The following PCDHGB3 variants were observed in gnomAD, a reference collection of about 807,000 sequenced individuals.
PCDHGB3 encodes the protein protocadherin gamma-B3.
Under a neutral mutation model 59.2 loss-of-function variants are expected in PCDHGB3, and 40 were observed. The observed-to-expected ratio is 0.68, with a 90% CI of 0.52 to 0.88. The LOEUF is 0.88. Among genes scored for constraint, PCDHGB3 ranks in the 40% least tolerant of loss-of-function variants. PCDHGB3 has a pLI of 0.00. For synonymous variants in PCDHGB3, 581 were observed against 503.6 expected, an observed-to-expected ratio of 1.15 and a Z score of -2.06; for missense variants, 1,309 against 1,187.9, an observed-to-expected ratio of 1.10 and a Z score of -1.50.
intron 1 of PCDHGB3, chr5:141,395,285 T>A: frequency 6.5e-7 from 1 of 1,535,168 alleles, no homozygotes; most frequent in Non-Finnish European, 8.8e-7. Context: ...GAATTTTATT[T>A]GGCATAAATT....
chr5:141,400,561 A>G, intron 1 of PCDHGB3: 1 of 1,612,992 alleles, frequency 6.2e-7, no homozygotes, highest in Non-Finnish European at 8.5e-7. Flanking sequence ...TTCATTACCC[A>G]CCCAATTTTC....
At chr5:141,386,154 A>T (rs1211383292) in intron 1 of PCDHGB3, among the ~76,000 whole-genome samples, 2 of 152,222 alleles carry the variant, frequency 1.3e-5, no homozygotes, top group Non-Finnish European at 2.9e-5. Context: ...CAACTGTCTC[A>T]CGTACTCAAA....
intron 1 of PCDHGB3, chr5:141,388,621 T>C (rs2091422595): frequency 6.2e-7 from 1 of 1,613,806 alleles, no homozygotes; most frequent in African/African-American, 1.3e-5. Context: ...AGTCAAGACG[T>C]ATACAGGGTG....
chr5:141,415,387 G>A (rs1347191224), intron 1 of PCDHGB3: 2 of 1,614,168 alleles, frequency 1.2e-6, no homozygotes. Context: ...CGGCTTGACA[G>A]GTGTGTCCGG....
At chr5:141,497,468 G>A (rs912445126) in intron 2 of PCDHGB3, among the ~76,000 whole-genome samples, 10 of 151,996 alleles carry the variant, frequency 6.6e-5, no homozygotes, top group African/African-American at 2.4e-4. Flanking sequence ...GAGATATGGA[G>A]GAGAAGGTGC....
At chr5:141,446,231 C>T (rs1412899811) in intron 1 of PCDHGB3, among the ~76,000 whole-genome samples, 2 of 152,176 alleles carry the variant, frequency 1.3e-5, no homozygotes, top group African/African-American at 2.4e-5. Flanking sequence ...TGTTGCCTGG[C>T]AAGTGGTAGA....
Position 141,477,818 on chromosome 5 carries a change from C to T in PCDHGB3, c.2416-16989C>T, listed in dbSNP as rs202009040. 33 of 1,614,040 alleles carry T rather than the reference C, an allele frequency of 2.0e-5. No homozygotes were observed. The highest frequency in any genetic ancestry group is 1.3e-4 in the Admixed American group (8 of 60,006). On this transcript the variant is annotated intron_variant, in intron 1 of 3. Transcript: ENST00000576222. This position sits in a 1 kb window ranked among gnomAD's most constrained non-coding sequence, Gnocchi z 4.9. ...TCGCAATGACAATGCCCCCCAGGTCCTATATCCTCGGCCAGGTGGGAGCTC... is the reference window on the plus strand; with the variant it reads ...TCGCAATGACAATGCCCCCCAGGTCTTATATCCTCGGCCAGGTGGGAGCTC...
intron 1 of PCDHGB3, chr5:141,440,247 T>C (rs1158469276): frequency 1.3e-5 from 2 of 152,296 alleles, no homozygotes; most frequent in Non-Finnish European, 2.9e-5. Context: ...GGCGAGCAGA[T>C]TACGAGGTCA....
chr5:141,383,730 G>T (rs781549329), intron 1 of PCDHGB3: 2 of 1,613,866 alleles, frequency 1.2e-6, no homozygotes, highest in Admixed American at 3.3e-5. Context: ...ATGGGGAAGT[G>T]ACATATTCTT....
At chr5:141,414,338 G>C in intron 1 of PCDHGB3, 1 of 1,613,832 alleles carries the variant, frequency 6.2e-7, no homozygotes, top group Non-Finnish European at 8.5e-7. Context: ...CAGGTAACCT[G>C]TTCCATTTTG....
In PCDHGB3 at chr5:141,487,227, G is replaced by A. The variant is rs763361726; in HGVS notation, c.2416-7580G>A. The A allele has an allele frequency of 6.2e-7, 1 of 1,614,070 alleles. No individual in the cohort carries two copies. Among genetic ancestry groups the A allele is most frequent in the Non-Finnish European group, 8.5e-7 (1 of 1,179,952 alleles). On this transcript the variant is annotated intron_variant, in intron 1 of 3. Transcript: ENST00000576222. The surrounding 1 kb of genome is among the most constrained non-coding windows in gnomAD (Gnocchi z 5.0). The stretch of plus-strand genomic sequence containing the variant: ...CGAGAATCTTCAGCTCCAAGGGAAG[G>A]AGAATCTCGTCTAACCCTCTACTTG...
intron 1 of PCDHGB3, chr5:141,404,997 C>A (rs2154535986): frequency 6.2e-7 from 1 of 1,614,034 alleles, no homozygotes; most frequent in East Asian, 2.2e-5. Context: ...CAGATCCCTG[C>A]AGACCTGGAG....
chr5:141,383,575 G>A (rs1229661535), intron 1 of PCDHGB3: 17 of 1,613,114 alleles, frequency 1.1e-5, no homozygotes, highest in Non-Finnish European at 1.4e-5. Context: ...ATCCAGCACC[G>A]CCCACATCCA....
chr5:141,478,109 T>C, intron 1 of PCDHGB3: 1 of 1,614,086 alleles, frequency 6.2e-7, no homozygotes, highest in Non-Finnish European at 8.5e-7. Context: ...CCTCACTGTG[T>C]CAGTAACCGA....
intron 1 of PCDHGB3, among the ~76,000 whole-genome samples, chr5:141,480,873 C>A (rs1026513782): frequency 6.6e-6 from 1 of 152,168 alleles, no homozygotes; most frequent in East Asian, 1.9e-4. Context: ...GGTGAAACCC[C>A]GTCTCTACTA....
chr5:141,422,734 T>A, intron 1 of PCDHGB3: 2 of 1,608,114 alleles, frequency 1.2e-6, no homozygotes, highest in Non-Finnish European at 1.7e-6. Context: ...GGTGCCTCTG[T>A]CCTCCTATGT....
rs1222364302 is a variant in PCDHGB3, at chr5:141,414,920, C to T, written c.2415+42111C>T. On this transcript the variant is annotated intron_variant, in intron 1 of 3. Coordinates refer to ENST00000576222, the MANE Select transcript of PCDHGB3 (RefSeq NM_018924.5). ...GACGGTTCCACAGGCGTGGAGCTGG[C>T]GCCCCGCTCCGCAGAGCCCGGCTAC... 2.5e-6 allele frequency: 4 copies of T among 1,614,146 alleles called. No individual in the cohort carries two copies. The South Asian group carries it at 3.3e-5, about 13-fold the overall frequency.
rs1347087103 is a variant in PCDHGB3 at position 141,409,851 on chromosome 5, T to C, written c.2415+37042T>C. 4 of 1,612,112 alleles carry C rather than the reference T, an allele frequency of 2.5e-6. No homozygotes were observed. In the Admixed American group the frequency reaches 6.7e-5, roughly 27 times the overall value. On this transcript the variant is annotated intron_variant, in intron 1 of 3. Transcript: ENST00000576222. ...CTCAGCGCCAACGTGAGCCTGCGCG[T>C]GTTGGTGGGAGACCGCAATGACAAC...
chr5:141,403,953 T>C, intron 1 of PCDHGB3: 1 of 1,613,860 alleles, frequency 6.2e-7, no homozygotes, highest in South Asian at 1.1e-5. Flanking sequence ...ACAAAAGTGC[T>C]CATTTCGGTG....
Sources: allele counts gnomAD v4.1 joint callset (sites outside exome capture counted in the v4.1 genomes callset), GRCh38; gene constraint gnomAD v4.1.1; non-coding constraint Gnocchi (gnomAD v3.1); transcripts MANE v1.5; gene names NCBI Gene and HGNC (gene_info 2026-07-23, HGNC 2026-07-21).